Variants in TET2 observed in about 807,000 individuals in gnomAD.
TET2 encodes the protein methylcytosine dioxygenase TET2.
A neutral mutation model predicts 142.9 loss-of-function variants in TET2; 299 were observed. That is an observed-to-expected ratio of 2.09 (90% CI 1.90 to 2.30). The LOEUF is 2.30. TET2 is among the 30% of genes most tolerant of loss of function. The pLI, the probability that TET2 is intolerant of heterozygous loss-of-function variation, is 0.00. For missense variants in TET2, 2,418 were observed against 2,378.0 expected (o/e 1.02, Z -0.35); for synonymous variants, 819 against 849.0 (o/e 0.96, Z 0.61).
In TET2 at chr4:105,278,203, T is replaced by TATATATATATATAGAGA. The variant is rs1553918861; in HGVS notation, c.*1684_*1685insATATATATATATAGAGA. The TATATATATATATAGAGA allele has an allele frequency of 6.3e-6, 1 of 159,046 alleles. No homozygotes were observed. Among genetic ancestry groups the TATATATATATATAGAGA allele is most frequent in the Admixed American group, 7.0e-5 (1 of 14,224 alleles). The allele number at this position is 159,046 out of a possible 1,614,324, so 9.9% of individuals were successfully genotyped here. A position where few individuals can be genotyped will look rare whatever the true frequency, so the allele number is the denominator to read the frequency against. On this transcript the variant is annotated 3_prime_UTR_variant, in exon 11 of 11. Transcript: ENST00000380013. ...ATATATATATATATATATATATATA[T>TATATATATATATAGAGA]GAGTTTGAAGCAGAATTCACATCAT...
At chr4:105,270,651 G>C (rs1730907258) in intron 9 of TET2, among the ~76,000 whole-genome samples, 3 of 145,504 alleles carry the variant, frequency 2.1e-5, no homozygotes, top group African/African-American at 7.8e-5. Flanking sequence ...TGGAGGCAGT[G>C]GTGAGGGGAA....
intron 2 of TET2, chr4:105,202,221 TTTAAC>T (rs1243955052): frequency 6.6e-5 from 10 of 152,198 alleles, no homozygotes; most frequent in African/African-American, 2.4e-4. Flanking sequence ...TTAAATATAC[TTTAAC>T]TTATTATAGA....
At position 105,241,340 on chromosome 4, in the gene TET2, G is replaced by C. The variant is rs1243912562; in HGVS notation, c.3411G>C (p.Glu1137Asp). The C allele has an allele frequency of 6.5e-7, 1 of 1,545,198 alleles. No homozygotes were observed. The highest frequency in any genetic ancestry group is 8.7e-7 in the Non-Finnish European group (1 of 1,143,896). The part of the protein sequence containing the change: ...QYDFPSCRCV[E>D]QIIEKDEGPF... ...AATAATCTTCTATTATCTCAACAGA[G>C]CAAATTATTGAAAAAGATGAAGGTC... Residue 1137 changes from glutamate (E) to aspartate (D), a missense_variant and splice_region_variant, in exon 4 of 11, where the codon GAG becomes GAC. Transcript: ENST00000380013.
chr4:105,210,520 A>G (rs1727097333), intron 2 of TET2, among the ~76,000 whole-genome samples: 1 of 152,098 alleles, frequency 6.6e-6, no homozygotes, highest in Admixed American at 6.6e-5. Flanking sequence ...TGACTTGTAC[A>G]CTCAACTGCC....
In TET2 at chr4:105,237,175, C is replaced by A. The variant is rs769968470; in HGVS notation, c.3233C>A (p.Thr1078Asn). ...QTTAAELDSH[T>N]PALEQQTTSS... ...ACTGCTGCAGAACTTGATAGCCACACCCCAGCTTTAGAGCAGCAAACAACT... is the reference window on the plus strand; with the variant it reads ...ACTGCTGCAGAACTTGATAGCCACAACCCAGCTTTAGAGCAGCAAACAACT... Residue 1078 changes from threonine to asparagine, a missense_variant, in exon 3 of 11, where the codon ACC (threonine) becomes AAC (asparagine). Thr to Asn is a moderately conservative substitution (Grantham distance 65, BLOSUM62 0). Coordinates refer to ENST00000380013, the MANE Select transcript of TET2 (RefSeq NM_001127208.3). 6.2e-7 allele frequency: 1 copy of A among 1,614,126 alleles called. No individual in the cohort carries two copies. The highest frequency in any genetic ancestry group is 8.5e-7 in the Non-Finnish European group (1 of 1,180,022).
intron 6 of TET2, among the ~76,000 whole-genome samples, chr4:105,253,424 C>T (rs1046372364): frequency 1.3e-5 from 2 of 151,888 alleles, no homozygotes; most frequent in African/African-American, 4.8e-5. Context: ...TGGGGGGGTG[C>T]TAATGGTAAT....
intron 2 of TET2, among the ~76,000 whole-genome samples, chr4:105,212,920 G>A (rs1429730993): frequency 1.3e-5 from 2 of 152,158 alleles, no homozygotes; most frequent in Admixed American, 6.5e-5. Flanking sequence ...AACCCAGGAG[G>A]CGGAGGTTGC....
At chr4:105,184,918 T>C (rs539780489) in intron 1 of TET2, among the ~76,000 whole-genome samples, 18 of 152,312 alleles carry the variant, frequency 1.2e-4, no homozygotes, top group Non-Finnish European at 2.1e-4. Context: ...AAACATCTAT[T>C]ACTGGGGCTT....
At chr4:105,231,244 T>G (rs947336374) in intron 2 of TET2, among the ~76,000 whole-genome samples, 1 of 152,188 alleles carries the variant, frequency 6.6e-6, no homozygotes, top group Non-Finnish European at 1.5e-5. Context: ...GGAGTCAACT[T>G]CCTTAATTCC....
At chr4:105,211,626 A>G (rs2110546664) in intron 2 of TET2, among the ~76,000 whole-genome samples, 1 of 152,296 alleles carries the variant, frequency 6.6e-6, no homozygotes, top group African/African-American at 2.4e-5. Context: ...GATAGTTCAG[A>G]AGAGGGCACT....
chr4:105,247,775 G>T (rs1729657892), intron 6 of TET2, among the ~76,000 whole-genome samples: 1 of 131,308 alleles, frequency 7.6e-6, no homozygotes, highest in Non-Finnish European at 1.5e-5. Context: ...AGGCTGGAGT[G>T]CAGTGGCCCA....
intron 4 of TET2, chr4:105,242,017 C>T (rs935217188): frequency 6.5e-6 from 8 of 1,238,518 alleles, no homozygotes; most frequent in Middle Eastern, 3.1e-4. Flanking sequence ...CTCTTATGAG[C>T]GAGATAATGC....
intron 3 of TET2, chr4:105,237,697 AC>A: frequency 2.3e-6 from 3 of 1,312,968 alleles, no homozygotes; most frequent in Middle Eastern, 3.0e-4. Context: ...CAGCAAAAAA[AC>A]AATCTATTAA....
chr4:105,168,704 C>T (rs1285140866), intron 1 of TET2, among the ~76,000 whole-genome samples: 1 of 152,064 alleles, frequency 6.6e-6, no homozygotes, highest in Non-Finnish European at 1.5e-5. Context: ...GTATACACTT[C>T]ACCCTATTCG....
rs1186315562 is a variant in TET2 at position 105,237,165 on chromosome 4, G to C, written c.3223G>C (p.Asp1075His). The change falls in exon 3 of 11, where the codon GAT becomes CAT. Residue 1075 changes from aspartate to histidine, a missense_variant. Asp to His is a moderately conservative substitution (Grantham distance 81). Coordinates refer to ENST00000380013, the MANE Select transcript of TET2 (RefSeq NM_001127208.3). ...LTRQTTAAELDSHTPALEQQT... is the reference protein window; with the variant it reads ...LTRQTTAAELHSHTPALEQQT... The stretch of plus-strand genomic sequence containing the variant: ...TAGACAAACCACTGCTGCAGAACTT[G>C]ATAGCCACACCCCAGCTTTAGAGCA... The C allele has an allele frequency of 2.5e-6, 4 of 1,614,038 alleles. No individual in the cohort carries two copies. In the African/African-American group the frequency reaches 5.3e-5, roughly 22 times the overall value.
intron 2 of TET2, among the ~76,000 whole-genome samples, chr4:105,199,796 G>C (rs1399122496): frequency 6.6e-6 from 1 of 152,052 alleles, no homozygotes; most frequent in Admixed American, 6.6e-5. Flanking sequence ...GCAGTATTTG[G>C]TTTTCTGTTC....
At chr4:105,222,607 G>A (rs1727908408) in intron 2 of TET2, among the ~76,000 whole-genome samples, 1 of 152,142 alleles carries the variant, frequency 6.6e-6, no homozygotes, top group South Asian at 2.1e-4. Context: ...TGTAGATTCT[G>A]GATATTAGCC....
At chr4:105,224,506 C>G (rs1471524172) in intron 2 of TET2, among the ~76,000 whole-genome samples, 1 of 151,962 alleles carries the variant, frequency 6.6e-6, no homozygotes, top group Non-Finnish European at 1.5e-5. Context: ...TTCAGAGAGG[C>G]GGGAGAAGGA....
intron 1 of TET2, among the ~76,000 whole-genome samples, chr4:105,160,840 G>T (rs886460422): frequency 2.0e-5 from 3 of 152,094 alleles, no homozygotes; most frequent in African/African-American, 7.2e-5. Context: ...GAAGCGGAGC[G>T]ATCTGGGCTC....
Sources: gnomAD v4.1 joint callset for allele counts (sites outside exome capture counted in the v4.1 genomes callset) on GRCh38, gnomAD v4.1.1 for gene constraint, MANE v1.5 for transcripts, NCBI Gene and HGNC (gene_info 2026-07-23, HGNC 2026-07-21) for gene names.